The following B3GAT1 variants were observed in gnomAD, a reference collection of about 807,000 sequenced individuals.
The protein encoded by B3GAT1 is galactosylgalactosylxylosylprotein 3-beta-glucuronosyltransferase 1.
Under a neutral mutation model 28.4 loss-of-function variants are expected in B3GAT1, and 11 were observed. The observed-to-expected ratio is 0.39, with a 90% CI of 0.24 to 0.64. The LOEUF is 0.64. Ranked by LOEUF, B3GAT1 falls within the 30% of genes least tolerant of loss-of-function variation. The pLI is 0.50. For synonymous variants in B3GAT1, 255 were observed against 223.1 expected (o/e 1.14, Z -1.27); for missense variants, 375 against 491.0 (o/e 0.76, Z 2.23).
chr11:134,385,148 G>A (rs1944245602), intron 2 of B3GAT1: 1 of 152,218 alleles, frequency 6.6e-6, no homozygotes. Context: ...GAGTTATTAT[G>A]TGGATTAATG....
intron 1 of B3GAT1, among the ~76,000 whole-genome samples, chr11:134,405,359 G>A (rs995279463): frequency 6.6e-6 from 1 of 152,374 alleles, no homozygotes; most frequent in Admixed American, 6.5e-5. Context: ...CAGGTCTGAA[G>A]CCACGGAGGG....
At chr11:134,402,875 T>C (rs1006201100) in intron 1 of B3GAT1, among the ~76,000 whole-genome samples, 2 of 150,088 alleles carry the variant, frequency 1.3e-5, no homozygotes, top group African/African-American at 4.9e-5. Context: ...ATTGCGTCAC[T>C]GCACTCCAGC....
chr11:134,404,819 C>A (rs1257915638), intron 1 of B3GAT1, among the ~76,000 whole-genome samples: 1 of 152,178 alleles, frequency 6.6e-6, no homozygotes, highest in Admixed American at 6.5e-5. Flanking sequence ...TATCGACAGG[C>A]GATGAGTTAG....
At chr11:134,402,007 G>T (rs186531372) in intron 1 of B3GAT1, among the ~76,000 whole-genome samples, 1 of 151,672 alleles carries the variant, frequency 6.6e-6, no homozygotes, top group African/African-American at 2.4e-5. Flanking sequence ...GTCGGGAGGC[G>T]GGGCCCCTGG....
rs1206593783 is a variant in B3GAT1, at chr11:134,411,422, G to T, written c.-282+385C>A. On this transcript the variant is annotated intron_variant, in intron 1 of 5. Transcript: ENST00000312527. The surrounding 1 kb of genome is among the most constrained non-coding windows in gnomAD (Gnocchi z 6.0). ...GAGCGCTGTTGGGCAGCAGGGGTGG[G>T]GAGGTGGGGGACGACTGACCCCTGA... Among the ~76,000 whole-genome samples, 1 of 152,110 alleles carries T rather than the reference G, an allele frequency of 6.6e-6. No individual in the cohort carries two copies. Among genetic ancestry groups the T allele is most frequent in the African/African-American group, 2.4e-5 (1 of 41,434 alleles).
intron 1 of B3GAT1, among the ~76,000 whole-genome samples, chr11:134,398,517 T>A (rs2165313): frequency 2.6e-5 from 4 of 152,160 alleles, no homozygotes; most frequent in African/African-American, 7.2e-5. Flanking sequence ...TTATCTCATT[T>A]AATGTTTAAA....
intron 3 of B3GAT1, 49 bp from the exon 4 acceptor site, chr11:134,383,055 C>A (rs138392079): frequency 6.7e-7 from 1 of 1,484,672 alleles, no homozygotes; most frequent in Non-Finnish European, 8.9e-7. Context: ...CAGATGAGGA[C>A]GGCCGCGCGT....
At position 134,393,538 on chromosome 11, in the gene B3GAT1, T is replaced by C. The variant is rs1944450250; in HGVS notation, c.-281-5598A>G. ...TGTAGCACCCTTTAGAATATGACTT[T>C]TCCCTGCCAGCCTTTACCTAACTTG... On this transcript the variant is annotated intron_variant, in intron 1 of 5. Coordinates refer to ENST00000312527, the MANE Select transcript of B3GAT1 (RefSeq NM_054025.3). This position sits in a 1 kb window ranked among gnomAD's most constrained non-coding sequence, Gnocchi z 4.0. Among the ~76,000 whole-genome samples, 1 of 152,250 alleles carries C rather than the reference T, an allele frequency of 6.6e-6. No homozygotes were observed. Among genetic ancestry groups the C allele is most frequent in the East Asian group, 1.9e-4 (1 of 5,202 alleles).
At chr11:134,404,301 G>A (rs1944687347) in intron 1 of B3GAT1, among the ~76,000 whole-genome samples, 1 of 151,920 alleles carries the variant, frequency 6.6e-6, no homozygotes, top group South Asian at 2.1e-4. Context: ...ACAGTTTGCT[G>A]AGAATGATGG....
At chr11:134,399,382 C>T (rs1444192588) in intron 1 of B3GAT1, among the ~76,000 whole-genome samples, 1 of 152,212 alleles carries the variant, frequency 6.6e-6, no homozygotes, top group Non-Finnish European at 1.5e-5. Context: ...CTAGGAGAGG[C>T]CTGTGGTTTG....
chr11:134,383,800 G>A lies in B3GAT1; in HGVS notation c.501C>T (p.Thr167=). 1 of 1,596,494 alleles carries A rather than the reference G, an allele frequency of 6.3e-7. No individual in the cohort carries two copies. Among genetic ancestry groups the A allele is most frequent in the Non-Finnish European group, 8.5e-7 (1 of 1,172,384 alleles). ...AGCGCAGGGCCAGGTTGCGCTGCAT[G>A]GTGCCCCGCGGGATGCGTGGGTCGC... ...DARDPRIPRG[T]MQRNLALRWL... The change falls in exon 3 of 6, where the codon ACC becomes ACT. Residue 167 remains threonine (T), a synonymous_variant. Coordinates refer to ENST00000312527, the MANE Select transcript of B3GAT1 (RefSeq NM_054025.3).
chr11:134,403,983 TTATATATATATATATA>T (rs55794505), intron 1 of B3GAT1, among the ~76,000 whole-genome samples: 1,445 of 40,674 alleles, frequency 0.036, 41 homozygotes, highest in South Asian at 0.081. Context: ...GTTTCTTTCT[TTATATATATATATATA>T]TATATATATA....
chr11:134,396,620 A>T (rs1944509446), intron 1 of B3GAT1, among the ~76,000 whole-genome samples: 1 of 150,092 alleles, frequency 6.7e-6, no homozygotes, highest in Non-Finnish European at 1.5e-5. Flanking sequence ...TGTCAGGATA[A>T]CTAGAAAAAA....
rs1442925600 is a variant in B3GAT1 at position 134,378,713 on chromosome 11, A to G, written c.*2049T>C. The G allele has an allele frequency of 6.6e-6, 1 of 152,222 alleles. No homozygotes were observed. Among genetic ancestry groups the G allele is most frequent in the Non-Finnish European group, 1.5e-5 (1 of 68,042 alleles). The allele number at this position is 152,222 out of a possible 1,614,324, so 9.4% of individuals were successfully genotyped here. A position where few individuals can be genotyped will look rare whatever the true frequency, so the allele number is the denominator to read the frequency against. On this transcript the variant is annotated 3_prime_UTR_variant, in exon 6 of 6. Coordinates refer to ENST00000312527, the MANE Select transcript of B3GAT1 (RefSeq NM_054025.3). ...CTGGGTTTGGAAAACAGTGGTCATC[A>G]TGGACCCATTTCTGATTTATAACAA...
At chr11:134,387,359 T>G (rs1944312460) in intron 2 of B3GAT1, among the ~76,000 whole-genome samples, 189 bp downstream of exon 2, 1 of 152,076 alleles carries the variant, frequency 6.6e-6, no homozygotes, top group South Asian at 2.1e-4. Flanking sequence ...CCAGGCATCT[T>G]AAAACTGTGT....
chr11:134,390,023 A>G (rs964559725), intron 1 of B3GAT1: 1 of 152,168 alleles, frequency 6.6e-6, no homozygotes, highest in Non-Finnish European at 1.5e-5. Context: ...CCATCCAGAG[A>G]GTCTCCCCCA....
intron 1 of B3GAT1, among the ~76,000 whole-genome samples, chr11:134,394,596 C>G (rs868733724): frequency 3.0e-4 from 46 of 152,354 alleles, no homozygotes; most frequent in Middle Eastern, 3.4e-3. Context: ...TGCTCTCCCC[C>G]CACCCTGCCC....
intron 1 of B3GAT1, chr11:134,388,938 G>C (rs1033185804): frequency 6.6e-6 from 1 of 152,024 alleles, no homozygotes; most frequent in Non-Finnish European, 1.5e-5. Context: ...TGTTTTTTTT[G>C]TGAAACACTT....
chr11:134,382,989 C>G lies in B3GAT1; in HGVS notation c.639G>C (p.Arg213Ser). ...CGAAGGCGACGGGCCACACGGACAC[C>G]CTCCTGGTGCTGCGCATCTACAAGG... Reference protein sequence around the residue: ...ELFEEMRSTRRVSVWPVAFVG... With the variant: ...ELFEEMRSTRSVSVWPVAFVG... The change falls in exon 4 of 6, where the codon AGG (arginine) becomes AGC (serine). Residue 213 changes from arginine to serine, a missense_variant. Arg to Ser is a moderately radical substitution (Grantham distance 110). Transcript: ENST00000312527. The G allele has an allele frequency of 1.9e-6, 3 of 1,573,276 alleles. No individual in the cohort carries two copies. The highest frequency in any genetic ancestry group is 2.6e-6 in the Non-Finnish European group (3 of 1,157,812).
Sources: allele counts gnomAD v4.1 joint callset (sites outside exome capture counted in the v4.1 genomes callset), GRCh38; gene constraint gnomAD v4.1.1; non-coding constraint Gnocchi (gnomAD v3.1); transcripts MANE v1.5; gene names NCBI Gene and HGNC (gene_info 2026-07-23, HGNC 2026-07-21).